The following CHD1L variants were observed in gnomAD, a reference collection of about 807,000 sequenced individuals.
CHD1L encodes the protein chromodomain helicase DNA binding protein 1 like, also known as ATP-dependent chromatin remodeler CHD1L.
In CHD1L, 118 loss-of-function variants were observed where a neutral mutation model predicts 115.9. The observed-to-expected ratio is 1.02, with a 90% confidence interval of 0.88 to 1.19. CHD1L has a LOEUF of 1.19. CHD1L is among the 50% of genes most tolerant of loss of function. The pLI, the probability that CHD1L is intolerant of heterozygous loss-of-function variation, is 0.00. For missense variants in CHD1L, 1,179 were observed against 1,065.3 expected (o/e 1.11, Z -1.49); for synonymous variants, 411 against 387.1 (o/e 1.06, Z -0.72).
the CHD1L span, among the ~76,000 whole-genome samples, chr1:147,197,527 A>C: frequency 6.6e-6 from 1 of 151,690 alleles, no homozygotes; most frequent in Non-Finnish European, 1.5e-5. Flanking sequence ...TGGGGTGGTT[A>C]CTCTCATACT....
chr1:147,188,043 T>C, the CHD1L span, among the ~76,000 whole-genome samples: 4 of 152,040 alleles, frequency 2.6e-5, no homozygotes, highest in African/African-American at 9.7e-5. Flanking sequence ...GAGGTAGAAC[T>C]GGTGAGATGG....
chr1:147,204,007 A>G, the CHD1L span: 1 of 1,166,596 alleles, frequency 8.6e-7, no homozygotes, highest in South Asian at 1.2e-5. Context: ...CTAACATCAT[A>G]TTATATTTGT....
chr1:147,277,614 CTG>C (rs1261687297), intron 14 of CHD1L, among the ~76,000 whole-genome samples: 2 of 152,088 alleles, frequency 1.3e-5, no homozygotes, highest in Non-Finnish European at 2.9e-5. Context: ...GTGTTGCTGA[CTG>C]TGTCACATGC....
intron 17 of CHD1L, among the ~76,000 whole-genome samples, chr1:147,286,036 CAA>C (rs1451789111): frequency 1.2e-4 from 18 of 152,090 alleles, no homozygotes; most frequent in African/African-American, 3.9e-4. Context: ...AGCTATCTGA[CAA>C]AGAATAATTT....
intron 12 of CHD1L, 88 bp from the exon 13 acceptor site, chr1:147,275,266 A>G: frequency 2.2e-6 from 2 of 911,824 alleles, no homozygotes; most frequent in Non-Finnish European, 3.6e-6. Context: ...ATTTCAGTTT[A>G]TCAGTCTGAC....
At chr1:147,266,187 A>T (rs1478693467) in intron 8 of CHD1L, 100 bp downstream of exon 8, 6 of 1,117,464 alleles carry the variant, frequency 5.4e-6, no homozygotes, top group Non-Finnish European at 7.6e-6. Flanking sequence ...TCCCAAGAAT[A>T]TGGGATGGAA....
At chr1:147,240,267 C>A (rs1553930430), upstream of CHD1L, among the ~76,000 whole-genome samples, 1 of 152,194 alleles carries the variant, frequency 6.6e-6, no homozygotes, top group Admixed American at 6.5e-5. Context: ...GGGCTGTGTC[C>A]ACTCAAGGTT....
At chr1:147,292,632 C>G (rs1417261804) in intron 20 of CHD1L, among the ~76,000 whole-genome samples, 1 of 152,220 alleles carries the variant, frequency 6.6e-6, no homozygotes, top group Non-Finnish European at 1.5e-5. Context: ...ATACTGACAT[C>G]TGCTCCTGCT....
chr1:147,184,805 C>T, the CHD1L span, among the ~76,000 whole-genome samples: 1 of 152,012 alleles, frequency 6.6e-6, no homozygotes, highest in Non-Finnish European at 1.5e-5. This position sits in a 1 kb window ranked among gnomAD's most constrained non-coding sequence, Gnocchi z 4.4. Flanking sequence ...TCCCCCTTTC[C>T]ATATGTAATT....
upstream of CHD1L, chr1:147,242,616 C>A (rs782267432): frequency 5.8e-6 from 7 of 1,207,214 alleles, no homozygotes; most frequent in Non-Finnish European, 6.2e-6. Context: ...TAGGTGGGCC[C>A]CAGCGCGCAG....
At chr1:147,206,678 C>T in the CHD1L span, among the ~76,000 whole-genome samples, 1 of 152,130 alleles carries the variant, frequency 6.6e-6, no homozygotes. Context: ...AAACCAAACA[C>T]TGCATGTTCT....
At chr1:147,232,903 C>G in the CHD1L span, among the ~76,000 whole-genome samples, 1 of 152,204 alleles carries the variant, frequency 6.6e-6, no homozygotes, top group Non-Finnish European at 1.5e-5. Context: ...GAAAGTGCAG[C>G]CTCTGCCTGG....
chr1:147,266,613 G>A (rs1011913493), intron 8 of CHD1L, among the ~76,000 whole-genome samples: 1 of 152,172 alleles, frequency 6.6e-6, no homozygotes, highest in African/African-American at 2.4e-5. Flanking sequence ...TCTGTCATCA[G>A]TCCAATAGTC....
the CHD1L span, among the ~76,000 whole-genome samples, chr1:147,228,835 T>C: frequency 1.6e-4 from 25 of 152,324 alleles, no homozygotes; most frequent in South Asian, 5.2e-3. Flanking sequence ...TCATTTCCTT[T>C]GCCCACTTTT....
chr1:147,246,243 T>C (rs782090806), intron 1 of CHD1L, among the ~76,000 whole-genome samples: 1 of 152,238 alleles, frequency 6.6e-6, no homozygotes, highest in Non-Finnish European at 1.5e-5. Context: ...TTCTTTTTAT[T>C]GCTGAGTAGT....
chr1:147,225,112 T>G, the CHD1L span: 1 of 1,601,442 alleles, frequency 6.2e-7, no homozygotes, highest in Non-Finnish European at 8.5e-7. Context: ...TCGGTTAACA[T>G]TTTTCAAGGA....
the CHD1L span, among the ~76,000 whole-genome samples, chr1:147,229,878 G>A: frequency 1.1e-4 from 17 of 151,930 alleles, no homozygotes; most frequent in Non-Finnish European, 1.9e-4. Flanking sequence ...AGACTTTGCT[G>A]AAGTTGCTCA....
chr1:147,279,878 T>C, intron 14 of CHD1L, 148 bp from the exon 15 acceptor site: 1 of 705,742 alleles, frequency 1.4e-6, no homozygotes, highest in Non-Finnish European at 2.4e-6. Context: ...CCCTGGCTGT[T>C]ACTATCTATG....
At chr1:147,270,437 G>A (rs1675701977) in intron 10 of CHD1L, among the ~76,000 whole-genome samples, 1 of 152,108 alleles carries the variant, frequency 6.6e-6, no homozygotes, top group Non-Finnish European at 1.5e-5. Context: ...GTAGATGAGA[G>A]GATAGTGACT....
Sources: allele counts gnomAD v4.1 joint callset (sites outside exome capture counted in the v4.1 genomes callset), GRCh38; gene constraint gnomAD v4.1.1; non-coding constraint Gnocchi (gnomAD v3.1); transcripts MANE v1.5; gene names NCBI Gene and HGNC (gene_info 2026-07-23, HGNC 2026-07-21).